RNF19B: variants seen among roughly 807,000 people sequenced by gnomAD.
The protein encoded by RNF19B is E3 ubiquitin-protein ligase RNF19B.
Under a neutral mutation model 65.5 loss-of-function variants are expected in RNF19B, and 23 were observed. The ratio of observed to expected loss-of-function variants is 0.35; its 90% CI spans 0.25 to 0.50. The LOEUF (loss-of-function observed/expected upper bound fraction) is 0.50, where lower values mean the gene tolerates loss of function less well. RNF19B is among the 20% of genes least tolerant of loss of function. The pLI is 0.98. For synonymous variants in RNF19B, 372 were observed against 379.6 expected, an observed-to-expected ratio of 0.98 and a Z score of 0.23; for missense variants, 794 against 980.0, an observed-to-expected ratio of 0.81 and a Z score of 2.53.
intron 1 of RNF19B, among the ~76,000 whole-genome samples, chr1:32,962,167 C>G (rs1642785503): frequency 6.6e-6 from 1 of 152,150 alleles, no homozygotes; most frequent in Non-Finnish European, 1.5e-5. Context: ...CAGGATACCA[C>G]TATGTTGGCC....
Position 32,936,941 on chromosome 1 carries a change from G to C in RNF19B, c.2061C>G (p.Pro687=), listed in dbSNP as rs35756506. 0.073 allele frequency: 117,916 copies of C among 1,613,934 alleles called. 5,238 individuals carry two copies. Among genetic ancestry groups the C allele is most frequent in the Admixed American group, 0.17 (10,303 of 59,986 alleles). Reference sequence around the variant, plus strand: ...AGGGGCAGGCTGCAGTATGGGAGCGGGGGGAGCCACACTCATCTGAGGTGA... The same window carrying C: ...AGGGGCAGGCTGCAGTATGGGAGCGCGGGGAGCCACACTCATCTGAGGTGA... ...PDITSDECGS[P]RSHTAACPST... The change falls in exon 9 of 9, where the codon CCC becomes CCG. Residue 687 remains proline (P), a synonymous_variant. Coordinates refer to ENST00000235150, the MANE Select transcript of RNF19B (RefSeq NM_001300826.2).
At chr1:32,961,618 G>A (rs1463915353) in intron 1 of RNF19B, among the ~76,000 whole-genome samples, 2 of 151,884 alleles carry the variant, frequency 1.3e-5, no homozygotes, top group South Asian at 2.1e-4. Context: ...CCTTAAGTCC[G>A]TAGATGACAC....
the RNF19B span, among the ~76,000 whole-genome samples, chr1:32,930,001 T>C: frequency 6.6e-6 from 1 of 152,216 alleles, no homozygotes; most frequent in Non-Finnish European, 1.5e-5. Flanking sequence ...AAAGTACTTT[T>C]CAATTCCTTG....
intron 4 of RNF19B, among the ~76,000 whole-genome samples, chr1:32,946,115 C>G (rs1642362774): frequency 6.6e-6 from 1 of 152,122 alleles, no homozygotes; most frequent in Admixed American, 6.5e-5. Flanking sequence ...ATCTACCTGC[C>G]TTGGCTTCCC....
At chr1:32,959,152 T>C (rs920034087) in intron 1 of RNF19B, among the ~76,000 whole-genome samples, 4 of 152,140 alleles carry the variant, frequency 2.6e-5, no homozygotes, top group African/African-American at 9.7e-5. Flanking sequence ...TCCAGTCTAG[T>C]TGTCTGGGAA....
rs1257739638 is a variant in RNF19B at position 32,936,770 on chromosome 1, A to C, written c.*36T>G. On this transcript the variant is annotated 3_prime_UTR_variant, in exon 9 of 9. Transcript: ENST00000235150. ...AAAAAATTCCAAAAGATGCAGTTAC[A>C]AGTGTGCTTCTCAGAACAGGAGCAT... The C allele has an allele frequency of 6.8e-7, 1 of 1,474,008 alleles. No homozygotes were observed. The highest frequency in any genetic ancestry group is 9.0e-7 in the Non-Finnish European group (1 of 1,109,540). The allele number at this position is 1,474,008 out of a possible 1,614,324, so 91.3% of individuals were successfully genotyped here.
At chr1:32,940,235 A>G (rs561695103) in intron 7 of RNF19B, among the ~76,000 whole-genome samples, 1 of 152,334 alleles carries the variant, frequency 6.6e-6, no homozygotes, top group South Asian at 2.1e-4. Context: ...ATGCTGGTTC[A>G]TGCAACGGCT....
intron 3 of RNF19B, among the ~76,000 whole-genome samples, chr1:32,947,388 G>A (rs750301205): frequency 6.6e-6 from 1 of 152,168 alleles, no homozygotes; most frequent in African/African-American, 2.4e-5. Flanking sequence ...GGCTGGGCGC[G>A]GTGGCTCGCG....
At position 32,936,735 on chromosome 1, in the gene RNF19B, A is replaced by G. The variant is rs1242239241; in HGVS notation, c.*71T>C. 3.2e-5 allele frequency: 31 copies of G among 981,726 alleles called. No homozygotes were observed. The highest frequency in any genetic ancestry group is 1.3e-4 in the South Asian group (4 of 31,422). The allele number at this position is 981,726 out of a possible 1,614,324, so 60.8% of individuals were successfully genotyped here. ...AATACATAAATCTCTACCCCTTGGAAAAAAAAAAAAAAAAATTCCAAAAGA... is the reference window on the plus strand; with the variant it reads ...AATACATAAATCTCTACCCCTTGGAGAAAAAAAAAAAAAAATTCCAAAAGA... On this transcript the variant is annotated 3_prime_UTR_variant, in exon 9 of 9. Coordinates refer to ENST00000235150, the MANE Select transcript of RNF19B (RefSeq NM_001300826.2).
At chr1:32,932,878 TG>T (rs1376766256), downstream of RNF19B, among the ~76,000 whole-genome samples, 3 of 152,104 alleles carry the variant, frequency 2.0e-5, no homozygotes, top group East Asian at 5.8e-4. Context: ...AGACTAAGGA[TG>T]CTCTACCAAA....
chr1:32,951,861 G>A (rs1642508153), intron 1 of RNF19B, among the ~76,000 whole-genome samples: 1 of 150,204 alleles, frequency 6.7e-6, no homozygotes, highest in Admixed American at 6.6e-5. Flanking sequence ...GCAGTGGCGT[G>A]ATCTCGGCTC....
chr1:32,951,726 A>T (rs1431068151), intron 1 of RNF19B, among the ~76,000 whole-genome samples: 1 of 152,174 alleles, frequency 6.6e-6, no homozygotes, highest in Non-Finnish European at 1.5e-5. Context: ...CCAGAATCCA[A>T]GAATACCAGG....
chr1:32,962,510 C>T (rs1215837608), intron 1 of RNF19B, among the ~76,000 whole-genome samples: 2 of 152,130 alleles, frequency 1.3e-5, no homozygotes, highest in Non-Finnish European at 2.9e-5. Flanking sequence ...AAATAGCACA[C>T]CCATTTCTAA....
intron 6 of RNF19B, among the ~76,000 whole-genome samples, chr1:32,943,725 A>G (rs1306366375): frequency 3.9e-5 from 6 of 152,188 alleles, no homozygotes; most frequent in Admixed American, 6.5e-5. Flanking sequence ...TACTCTGAAA[A>G]TTATCAAGTA....
In RNF19B at chr1:32,949,850, AAC is replaced by A. The variant is rs200892282; in HGVS notation, c.636-78_636-77del. 2,381 of 1,196,840 alleles carry A rather than the reference AAC, an allele frequency of 2.0e-3. 28 individuals carry two copies. The African/African-American group carries it at 0.032, about 16-fold the overall frequency. 74.1% of individuals were successfully genotyped at this position (1,196,840 alleles called of 1,614,324 possible). A position where few individuals can be genotyped will look rare whatever the true frequency, so the allele number is the denominator to read the frequency against. On this transcript the variant is annotated intron_variant, in intron 1 of 8. Coordinates refer to ENST00000235150, the MANE Select transcript of RNF19B (RefSeq NM_001300826.2). ...AAAAGAGACATTATTCATCAGAGTT[AAC>A]AATGTTTGGCACTACCCCACTATCA...
chr1:32,958,455 G>A (rs991201777), intron 1 of RNF19B, among the ~76,000 whole-genome samples: 2 of 152,078 alleles, frequency 1.3e-5, no homozygotes, highest in Non-Finnish European at 2.9e-5. Context: ...GGTGGCTCAC[G>A]CCTGTAATCC....
chr1:32,960,165 C>G (rs1642736880), intron 1 of RNF19B, among the ~76,000 whole-genome samples: 1 of 152,196 alleles, frequency 6.6e-6, no homozygotes, highest in South Asian at 2.1e-4. Context: ...ACTCTTTGCT[C>G]TATCCTACAA....
intron 4 of RNF19B, 81 bp downstream of exon 4, chr1:32,946,321 T>C (rs947569625): frequency 2.2e-5 from 28 of 1,244,614 alleles, no homozygotes; most frequent in Admixed American, 1.3e-4. Flanking sequence ...CTCTGAAACA[T>C]AGCTCCTTCC....
chr1:32,949,487 A>G, intron 2 of RNF19B, 82 bp downstream of exon 2: 1 of 1,196,668 alleles, frequency 8.4e-7, no homozygotes, highest in South Asian at 1.3e-5. Flanking sequence ...CTTGGGTTAT[A>G]CAATAAGATA....
Sources: allele counts gnomAD v4.1 joint callset (sites outside exome capture counted in the v4.1 genomes callset), GRCh38; gene constraint gnomAD v4.1.1; transcripts MANE v1.5; gene names NCBI Gene and HGNC (gene_info 2026-07-23, HGNC 2026-07-21).